AFG2A: variants seen among roughly 807,000 people sequenced by gnomAD.
The protein encoded by AFG2A is AAA ATPase AFG2A.
chr4:122,985,894 C>G, the AFG2A span, among the ~76,000 whole-genome samples: 2 of 151,522 alleles, frequency 1.3e-5, no homozygotes, highest in African/African-American at 2.4e-5. Flanking sequence ...TTCAGACCTT[C>G]CAATGTAGGT....
the AFG2A span, among the ~76,000 whole-genome samples, chr4:123,110,581 A>G: frequency 5.9e-5 from 9 of 152,186 alleles, no homozygotes; most frequent in African/African-American, 1.9e-4. Context: ...TTTGAAGTAA[A>G]AAATAAAATA....
chr4:123,237,554 T>C, the AFG2A span, among the ~76,000 whole-genome samples: 1 of 150,270 alleles, frequency 6.7e-6, no homozygotes, highest in Non-Finnish European at 1.5e-5. Flanking sequence ...CTGCCTGTAA[T>C]CACAACTACT....
chr4:123,042,814 C>A, the AFG2A span, among the ~76,000 whole-genome samples: 241 of 152,252 alleles, frequency 1.6e-3, 1 homozygote, highest in Non-Finnish European at 2.8e-3. Flanking sequence ...GTTCTTACAT[C>A]AATATACTTT....
the AFG2A span, among the ~76,000 whole-genome samples, chr4:123,124,389 C>T: frequency 1.3e-5 from 2 of 152,050 alleles, no homozygotes; most frequent in East Asian, 3.9e-4. Context: ...ATTGCAAGGA[C>T]AAAAAACCAA....
the AFG2A span, among the ~76,000 whole-genome samples, chr4:123,083,391 T>C: frequency 2.3e-5 from 3 of 130,056 alleles, no homozygotes; most frequent in South Asian, 8.5e-4. Flanking sequence ...TTTCTTCATC[T>C]ATTTATATGA....
At chr4:123,098,922 T>C in the AFG2A span, among the ~76,000 whole-genome samples, 1 of 151,980 alleles carries the variant, frequency 6.6e-6, no homozygotes, top group Non-Finnish European at 1.5e-5. Flanking sequence ...TTATTTTAAA[T>C]TTTTTAGGAA....
the AFG2A span, among the ~76,000 whole-genome samples, chr4:123,276,510 T>A: frequency 6.6e-6 from 1 of 152,078 alleles, no homozygotes; most frequent in Non-Finnish European, 1.5e-5. Flanking sequence ...TCAATTTTTG[T>A]TTTCATTGCA....
At chr4:123,055,916 TCTG>T in the AFG2A span, among the ~76,000 whole-genome samples, 1 of 152,222 alleles carries the variant, frequency 6.6e-6, no homozygotes, top group African/African-American at 2.4e-5. Context: ...AAAAAGAAAG[TCTG>T]CTGTGTTTCT....
the AFG2A span, among the ~76,000 whole-genome samples, chr4:123,031,081 A>T: frequency 3.7e-4 from 57 of 152,320 alleles, no homozygotes; most frequent in Admixed American, 8.5e-4. Context: ...TTTGTGAGGA[A>T]AGTTTTAAAG....
the AFG2A span, among the ~76,000 whole-genome samples, chr4:123,201,334 T>C: frequency 6.6e-6 from 1 of 152,224 alleles, no homozygotes; most frequent in South Asian, 2.1e-4. Flanking sequence ...AACAACAATC[T>C]ACGTTTCCCA....
chr4:123,221,464 G>C, the AFG2A span, among the ~76,000 whole-genome samples: 1 of 152,052 alleles, frequency 6.6e-6, no homozygotes, highest in African/African-American at 2.4e-5. Flanking sequence ...CACCTGGCCT[G>C]AGATGTCTTT....
chr4:122,927,107 C>G, the AFG2A span, among the ~76,000 whole-genome samples: 1 of 152,040 alleles, frequency 6.6e-6, no homozygotes. Flanking sequence ...CTTTTTCAGC[C>G]AAAAGTTGAA....
chr4:123,121,586 T>C, the AFG2A span, among the ~76,000 whole-genome samples: 2 of 152,222 alleles, frequency 1.3e-5, no homozygotes, highest in South Asian at 4.1e-4. Context: ...TACCATTGTG[T>C]TACAGTTGCC....
the AFG2A span, among the ~76,000 whole-genome samples, chr4:123,200,304 T>G: frequency 1.3e-5 from 2 of 152,270 alleles, no homozygotes; most frequent in African/African-American, 2.4e-5. Context: ...CATTTTCTAC[T>G]GCAATTATTT....
the AFG2A span, among the ~76,000 whole-genome samples, chr4:123,215,836 T>G: frequency 3.3e-5 from 5 of 152,162 alleles, no homozygotes; most frequent in Non-Finnish European, 7.4e-5. Flanking sequence ...TCAGAGGAAC[T>G]CTTTAGGGCT....
At chr4:123,056,274 A>AT in the AFG2A span, 3 of 951,882 alleles carry the variant, frequency 3.2e-6, no homozygotes, top group South Asian at 5.9e-5. Context: ...AAAGGGATTA[A>AT]TAAGCAGATT....
the AFG2A span, among the ~76,000 whole-genome samples, chr4:123,268,059 A>C: frequency 1.3e-5 from 2 of 152,122 alleles, no homozygotes; most frequent in Non-Finnish European, 2.9e-5. Context: ...TGTTTATATT[A>C]ATAGACACAC....
At chr4:123,245,879 A>G in the AFG2A span, among the ~76,000 whole-genome samples, 1 of 152,240 alleles carries the variant, frequency 6.6e-6, no homozygotes, top group Non-Finnish European at 1.5e-5. Flanking sequence ...CCTAGTACCT[A>G]ATCCTATGCC....
the AFG2A span, among the ~76,000 whole-genome samples, chr4:122,941,070 G>A: frequency 6.7e-6 from 1 of 149,948 alleles, no homozygotes; most frequent in African/African-American, 2.4e-5. Flanking sequence ...GTAGCATGAT[G>A]CCTCCAGCTT....
Sources: allele counts gnomAD v4.1 joint callset (sites outside exome capture counted in the v4.1 genomes callset), GRCh38; gene constraint gnomAD v4.1.1; transcripts MANE v1.5; gene names NCBI Gene and HGNC (gene_info 2026-07-23, HGNC 2026-07-21).